IGF1R: variants seen among roughly 807,000 people sequenced by gnomAD.
IGF1R encodes insulin like growth factor 1 receptor.
A neutral mutation model predicts 144.6 loss-of-function variants in IGF1R; 44 were observed. That is an observed-to-expected ratio of 0.30 (90% CI 0.24 to 0.39). The LOEUF is 0.39. IGF1R is among the 10% of genes least tolerant of loss of function. IGF1R has a pLI of 1.00. For missense variants in IGF1R, 1,355 were observed against 1,833.7 expected, an observed-to-expected ratio of 0.74 and a Z score of 4.77; for synonymous variants, 795 against 722.8, an observed-to-expected ratio of 1.10 and a Z score of -1.60.
chr15:98,818,392 T>C (rs1220392878), intron 2 of IGF1R, among the ~76,000 whole-genome samples: 1 of 152,124 alleles, frequency 6.6e-6, no homozygotes, highest in South Asian at 2.1e-4. Context: ...CACACTGATT[T>C]CTACAACAGT....
chr15:98,890,839 C>T (rs2013871882), intron 2 of IGF1R: 1 of 213,556 alleles, frequency 4.7e-6, no homozygotes, highest in Non-Finnish European at 9.5e-6. Flanking sequence ...GTAGTTTAAT[C>T]ATTTTCAAAG....
chr15:98,852,582 C>A (rs1298599265), intron 2 of IGF1R, among the ~76,000 whole-genome samples: 7 of 152,088 alleles, frequency 4.6e-5, no homozygotes, highest in Admixed American at 2.6e-4. Flanking sequence ...GTAACCTTCC[C>A]CATAAACAAG....
chr15:98,676,367 A>C (rs942069237), intron 1 of IGF1R, among the ~76,000 whole-genome samples: 4 of 151,112 alleles, frequency 2.6e-5, no homozygotes, highest in Non-Finnish European at 5.9e-5. Flanking sequence ...TGAAATCCTG[A>C]CCTTGCGATC....
intron 5 of IGF1R, 58 bp downstream of exon 5, chr15:98,899,679 T>C: frequency 1.3e-6 from 2 of 1,560,728 alleles, no homozygotes; most frequent in Admixed American, 3.3e-5. Flanking sequence ...AGCGTGCTTA[T>C]GAAACTGTGT....
chr15:98,956,013 A>G (rs912801408), intron 20 of IGF1R, among the ~76,000 whole-genome samples: 1 of 152,346 alleles, frequency 6.6e-6, no homozygotes, highest in South Asian at 2.1e-4. Flanking sequence ...CCTCAGAACT[A>G]TGGCCAGCCC....
At chr15:98,650,596 C>T (rs1020558941) in intron 1 of IGF1R, among the ~76,000 whole-genome samples, 1 of 152,226 alleles carries the variant, frequency 6.6e-6, no homozygotes, top group Non-Finnish European at 1.5e-5. Context: ...TTCCGACACA[C>T]GTGCTCGCAG....
chr15:98,930,795 G>A (rs896172946), intron 15 of IGF1R, among the ~76,000 whole-genome samples: 5 of 151,876 alleles, frequency 3.3e-5, no homozygotes, highest in South Asian at 2.1e-4. Flanking sequence ...TCATACGCTC[G>A]TGGCTCATTC....
intron 3 of IGF1R, among the ~76,000 whole-genome samples, chr15:98,893,921 A>T (rs73463652): frequency 0.061 from 9,334 of 152,208 alleles, 533 homozygotes; most frequent in East Asian, 0.14. Context: ...GAAATATTTA[A>T]TTTTTTCATC....
At chr15:98,906,560 G>C (rs146970397) in intron 5 of IGF1R, among the ~76,000 whole-genome samples, 2 of 152,308 alleles carry the variant, frequency 1.3e-5, no homozygotes, top group Non-Finnish European at 2.9e-5. Context: ...CCTGCAGCCT[G>C]GTAGTGAGAA....
At chr15:98,910,921 T>G (rs773633308) in intron 6 of IGF1R, among the ~76,000 whole-genome samples, 3 of 152,214 alleles carry the variant, frequency 2.0e-5, no homozygotes, top group Admixed American at 6.5e-5. Flanking sequence ...ATCGTCTCTC[T>G]TAAGAAGTTT....
At chr15:98,899,211 A>G (rs1166305495) in intron 4 of IGF1R, among the ~76,000 whole-genome samples, 1 of 152,212 alleles carries the variant, frequency 6.6e-6, no homozygotes, top group Admixed American at 6.5e-5. Flanking sequence ...TTATGATTTT[A>G]TATTTTGTTA....
chr15:98,941,398 AG>A (rs561680651), intron 18 of IGF1R, among the ~76,000 whole-genome samples: 3 of 152,184 alleles, frequency 2.0e-5, no homozygotes, highest in Admixed American at 6.5e-5. Flanking sequence ...AATCCAAATC[AG>A]CAGGGATCAT....
rs61740868 is a variant in IGF1R, at chr15:98,957,074, C to G, written c.3736C>G (p.Arg1246Gly). 1 of 1,614,192 alleles carries G rather than the reference C, an allele frequency of 6.2e-7. No homozygotes were observed. Residue 1246 changes from arginine (R) to glycine (G), a missense_variant, in exon 21 of 21, where the codon CGC becomes GGC. Physicochemically the swap from Arg to Gly is moderately radical, Grantham distance 125. Around this residue, in one of 7 missense-constraint regions of IGF1R, gnomAD observed 219 missense variants for 188.8 expected, o/e 1.16. Transcript: ENST00000650285. Reference protein sequence around the residue: ...NCPDMLFELMRMCWQYNPKMR... With the variant: ...NCPDMLFELMGMCWQYNPKMR... Reference sequence around the variant, plus strand: ...TCTTGGCTGCAGGTTTGAACTGATGCGCATGTGCTGGCAGTATAACCCCAA... The same window carrying G: ...TCTTGGCTGCAGGTTTGAACTGATGGGCATGTGCTGGCAGTATAACCCCAA...
chr15:98,888,438 A>AGAGAGAGAGAGT (rs1555457179), intron 2 of IGF1R, among the ~76,000 whole-genome samples: 2 of 143,354 alleles, frequency 1.4e-5, no homozygotes, highest in African/African-American at 5.2e-5. Context: ...AGAGAGAGAG[A>AGAGAGAGAGAGT]GTGTGTGTGT....
chr15:98,945,881 G>T (rs2151722826), intron 19 of IGF1R, among the ~76,000 whole-genome samples: 1 of 152,208 alleles, frequency 6.6e-6, no homozygotes, highest in Admixed American at 6.5e-5. Flanking sequence ...GACAAGAGTT[G>T]CTCAGGAGAT....
chr15:98,702,042 T>TTG lies in IGF1R; in HGVS notation c.95-5519_95-5518insGT, dbSNP rs1204962240. ...TCATGGGAGTCACGCTGTTTTTTTT[T>TTG]TTTTTTTTTTTTCCTAGGACCTCAA... On this transcript the variant is annotated intron_variant, in intron 1 of 20. Coordinates refer to ENST00000650285, the MANE Select transcript of IGF1R (RefSeq NM_000875.5). Among the ~76,000 whole-genome samples the TTG allele has an allele frequency of 9.0e-4, 135 of 149,286 alleles. 1 individual carries two copies. The highest frequency in any genetic ancestry group is 2.8e-4 in the Non-Finnish European group (19 of 67,284).
intron 13 of IGF1R, 142 bp downstream of exon 13, chr15:98,924,826 C>G: frequency 1.3e-6 from 1 of 764,896 alleles, no homozygotes; most frequent in Non-Finnish European, 2.3e-6. Context: ...GCTAAGGTGC[C>G]GGCACATACC....
intron 2 of IGF1R, among the ~76,000 whole-genome samples, chr15:98,805,329 C>T (rs901778188): frequency 1.3e-5 from 2 of 152,050 alleles, no homozygotes; most frequent in African/African-American, 2.4e-5. Context: ...TGTGTTTGGC[C>T]GAAACATTTT....
intron 2 of IGF1R, among the ~76,000 whole-genome samples, chr15:98,870,257 C>T (rs2012713475): frequency 6.6e-6 from 1 of 152,250 alleles, no homozygotes; most frequent in Admixed American, 6.5e-5. Context: ...ACAGTAACTC[C>T]TCATTCTCTC....
Sources: gnomAD v4.1 joint callset for allele counts (sites outside exome capture counted in the v4.1 genomes callset) on GRCh38, gnomAD v4.1.1 for gene constraint, gnomAD v4.1.1 regional missense constraint, MANE v1.5 for transcripts, NCBI Gene and HGNC (gene_info 2026-07-23, HGNC 2026-07-21) for gene names.